ZNF469: variants seen among roughly 807,000 people sequenced by gnomAD.
ZNF469 encodes zinc finger protein 469.
A neutral mutation model predicts 1.0 loss-of-function variants in ZNF469; 1 was observed. That is an observed-to-expected ratio of 1.00 (90% confidence interval 0.35 to 4.73). The LOEUF (loss-of-function observed/expected upper bound fraction) is 4.73. Ranked by LOEUF, ZNF469 falls within the 30% of genes most tolerant of loss-of-function variation. ZNF469 has a pLI of 0.16. For missense variants in ZNF469, 6,100 were observed against 5,356.3 expected, an observed-to-expected ratio of 1.14 and a Z score of -4.33; for synonymous variants, 2,703 against 2,363.4, an observed-to-expected ratio of 1.14 and a Z score of -4.17.
chr16:88,387,401 G>A (rs566473597), intron 1 of ZNF469, among the ~76,000 whole-genome samples: 12 of 152,250 alleles, frequency 7.9e-5, no homozygotes, highest in South Asian at 2.1e-4. Flanking sequence ...CCCGGGTGCC[G>A]GGGGACTCGG....
chr16:88,432,482 T>C lies in ZNF469; in HGVS notation c.5012T>C (p.Leu1671Pro). The C allele has an allele frequency of 6.5e-7, 1 of 1,550,358 alleles. No homozygotes were observed. Among genetic ancestry groups the C allele is most frequent in the South Asian group, 1.2e-5 (1 of 84,066 alleles). The change falls in exon 3 of 3, where the codon CTT (leucine) becomes CCT (proline). Residue 1671 changes from leucine (L) to proline (P), a missense_variant. Transcript: ENST00000565624. ...PASFHPGHAALLPCAQEDLVS... is the reference protein window; with the variant it reads ...PASFHPGHAAPLPCAQEDLVS... Reference sequence around the variant, plus strand: ...TCCTTCCATCCGGGACATGCAGCCCTTCTCCCCTGTGCCCAGGAAGACCTG... The same window carrying C: ...TCCTTCCATCCGGGACATGCAGCCCCTCTCCCCTGTGCCCAGGAAGACCTG...
At chr16:88,101,542 C>G in the ZNF469 span, among the ~76,000 whole-genome samples, 2 of 72,322 alleles carry the variant, frequency 2.8e-5, no homozygotes, top group Non-Finnish European at 6.9e-5. Flanking sequence ...CATCTCATTA[C>G]GCTTTTTTTT....
At chr16:88,275,044 G>C in the ZNF469 span, among the ~76,000 whole-genome samples, 1 of 152,230 alleles carries the variant, frequency 6.6e-6, no homozygotes, top group African/African-American at 2.4e-5. Context: ...GGGTTTCCGG[G>C]AAGCCTGGGT....
chr16:88,309,747 T>G, the ZNF469 span, among the ~76,000 whole-genome samples: 8 of 151,758 alleles, frequency 5.3e-5, no homozygotes, highest in African/African-American at 1.7e-4. Context: ...GGCGGGGGGG[T>G]GCCCTCTGAG....
chr16:88,279,473 C>T, the ZNF469 span, among the ~76,000 whole-genome samples: 13 of 151,092 alleles, frequency 8.6e-5, no homozygotes, highest in Non-Finnish European at 1.9e-4. Flanking sequence ...CGCCGACGCT[C>T]GGTCAGTACC....
In ZNF469 at chr16:88,436,446, G is replaced by T; in HGVS notation, c.8976G>T (p.Met2992Ile). The T allele has an allele frequency of 6.5e-7, 1 of 1,548,198 alleles. No homozygotes were observed. Residue 2992 changes from methionine to isoleucine, a missense_variant, in exon 3 of 3, where the codon ATG (methionine) becomes ATT (isoleucine). Physicochemically the swap from Met to Ile is conservative, Grantham distance 10 (BLOSUM62 1). Coordinates refer to ENST00000565624, the MANE Select transcript of ZNF469 (RefSeq NM_001367624.2). ...DRPEAIPELH[M>I]VPAAWRGLEM... The stretch of plus-strand genomic sequence containing the variant: ...CGGAGGCCATTCCTGAGCTGCACAT[G>T]GTCCCAGCGGCTTGGCGAGGCCTGG...
At chr16:88,146,069 G>C in the ZNF469 span, among the ~76,000 whole-genome samples, 1 of 152,226 alleles carries the variant, frequency 6.6e-6, no homozygotes, top group Non-Finnish European at 1.5e-5. Flanking sequence ...CACGGTGCCC[G>C]GTGCAGGGCC....
At chr16:88,114,733 A>T in the ZNF469 span, among the ~76,000 whole-genome samples, 184 of 152,280 alleles carry the variant, frequency 1.2e-3, no homozygotes, top group African/African-American at 4.4e-3. Context: ...GTGTGCGGTG[A>T]GTCGGCTTGC....
At chr16:88,347,903 TG>T in the ZNF469 span, among the ~76,000 whole-genome samples, 1 of 152,204 alleles carries the variant, frequency 6.6e-6, no homozygotes, top group African/African-American at 2.4e-5. Context: ...GGGTGCCCCA[TG>T]ACCCCTGAGG....
chr16:88,417,016 C>T (rs1938289717), intron 1 of ZNF469, among the ~76,000 whole-genome samples: 1 of 152,232 alleles, frequency 6.6e-6, no homozygotes, highest in East Asian at 1.9e-4. Flanking sequence ...GCTTCCTTCT[C>T]GCTGTGACAG....
the ZNF469 span, among the ~76,000 whole-genome samples, chr16:88,113,932 T>C: frequency 6.6e-6 from 1 of 152,328 alleles, no homozygotes; most frequent in South Asian, 2.1e-4. Context: ...ACTGGACACC[T>C]GGCTCCTGCC....
chr16:88,110,691 T>C, the ZNF469 span, among the ~76,000 whole-genome samples: 4 of 152,212 alleles, frequency 2.6e-5, no homozygotes, highest in African/African-American at 9.6e-5. Flanking sequence ...TCTTAAAGTG[T>C]CTTCTCTAGA....
In ZNF469 at chr16:88,428,363, C is replaced by T; in HGVS notation, c.893C>T (p.Thr298Ile). The T allele has an allele frequency of 4.5e-6, 7 of 1,548,978 alleles. No homozygotes were observed. Among genetic ancestry groups the T allele is most frequent in the Non-Finnish European group, 6.1e-6 (7 of 1,146,896 alleles). ...FPADVAGHAFTNGPLVFAFHQ... is the reference protein window; with the variant it reads ...FPADVAGHAFINGPLVFAFHQ... ...GCGGATGTGGCTGGGCACGCATTCA[C>T]CAATGGGCCACTGGTGTTTGCCTTC... The change falls in exon 3 of 3, where the codon ACC becomes ATC. Residue 298 changes from threonine to isoleucine, a missense_variant. Transcript: ENST00000565624.
the ZNF469 span, among the ~76,000 whole-genome samples, chr16:88,297,624 A>T: frequency 2.0e-5 from 3 of 151,946 alleles, no homozygotes; most frequent in Non-Finnish European, 4.4e-5. Flanking sequence ...AGCTCACTCC[A>T]GTCTCCAGGG....
At chr16:88,392,274 C>T (rs890857317) in intron 1 of ZNF469, among the ~76,000 whole-genome samples, 4 of 152,266 alleles carry the variant, frequency 2.6e-5, no homozygotes, top group South Asian at 2.1e-4. Flanking sequence ...TCCGTGGCCA[C>T]GTATGCCCGC....
chr16:88,439,413 A>G lies in ZNF469; in HGVS notation c.*81A>G. 2.0e-6 allele frequency: 3 copies of G among 1,465,302 alleles called. No homozygotes were observed. Among genetic ancestry groups the G allele is most frequent in the Non-Finnish European group, 2.8e-6 (3 of 1,071,404 alleles). 90.8% of individuals were successfully genotyped at this position (1,465,302 alleles called of 1,614,324 possible). ...CCTTGGCCAGCTCCGGCTCCCTGAGATGGTCCACTCTGTGGCCACTTGACT... is the reference window on the plus strand; with the variant it reads ...CCTTGGCCAGCTCCGGCTCCCTGAGGTGGTCCACTCTGTGGCCACTTGACT... On this transcript the variant is annotated 3_prime_UTR_variant, in exon 3 of 3. Coordinates refer to ENST00000565624, the MANE Select transcript of ZNF469 (RefSeq NM_001367624.2).
At chr16:88,144,846 C>G in the ZNF469 span, among the ~76,000 whole-genome samples, 2 of 149,462 alleles carry the variant, frequency 1.3e-5, no homozygotes, top group Non-Finnish European at 2.9e-5. Context: ...GTTTTTGCCC[C>G]CCTTTTTTTT....
At chr16:88,317,062 C>G in the ZNF469 span, among the ~76,000 whole-genome samples, 1 of 152,210 alleles carries the variant, frequency 6.6e-6, no homozygotes, top group East Asian at 1.9e-4. Context: ...GGGGCTCTGG[C>G]AGAGAGAGGG....
chr16:88,167,234 G>GT, the ZNF469 span, among the ~76,000 whole-genome samples: 32 of 151,856 alleles, frequency 2.1e-4, 1 homozygote, highest in South Asian at 3.8e-3. Flanking sequence ...GCTAATTTTT[G>GT]TTTTTTTAGT....
Sources: allele counts gnomAD v4.1 joint callset (sites outside exome capture counted in the v4.1 genomes callset), GRCh38; gene constraint gnomAD v4.1.1; transcripts MANE v1.5; gene names NCBI Gene and HGNC (gene_info 2026-07-23, HGNC 2026-07-21).